Variants in LRRC7 observed in about 807,000 individuals in gnomAD.
LRRC7 encodes leucine rich repeat containing 7.
LRRC7 carries 23 observed loss-of-function variants against 175.7 expected under a neutral mutation model. The ratio of observed to expected loss-of-function variants is 0.13; its 90% CI spans 0.09 to 0.19. LRRC7 has a LOEUF of 0.19. Ranked by LOEUF, LRRC7 falls within the 10% of genes least tolerant of loss-of-function variation. The pLI, the probability that LRRC7 is intolerant of heterozygous loss-of-function variation, is 1.00. For synonymous variants in LRRC7, 685 were observed against 680.9 expected (o/e 1.01, Z -0.09); for missense variants, 1,354 against 1,904.7 (o/e 0.71, Z 5.38).
chr1:69,589,622 A>G (rs1429555320), intron 1 of LRRC7, among the ~76,000 whole-genome samples: 1 of 152,146 alleles, frequency 6.6e-6, no homozygotes, highest in Non-Finnish European at 1.5e-5. Context: ...TGAATAAGGG[A>G]TGCTATTAAA....
chr1:69,843,206 A>T (rs979667873), intron 7 of LRRC7, among the ~76,000 whole-genome samples: 1 of 151,976 alleles, frequency 6.6e-6, no homozygotes, highest in Non-Finnish European at 1.5e-5. Context: ...CAAAGCAAAA[A>T]ACAACAACAA....
chr1:70,096,669 AATGG>A (rs1249926547), intron 25 of LRRC7, among the ~76,000 whole-genome samples: 2 of 152,046 alleles, frequency 1.3e-5, no homozygotes, highest in African/African-American at 4.8e-5. Flanking sequence ...CGACTAACTT[AATGG>A]AGTACCTAGA....
chr1:70,085,153 C>G (rs1663512143), intron 24 of LRRC7, among the ~76,000 whole-genome samples: 1 of 151,974 alleles, frequency 6.6e-6, no homozygotes, highest in Non-Finnish European at 1.5e-5. Flanking sequence ...TTTATGAAGT[C>G]CAACATATCA....
chr1:69,673,730 G>A (rs1659416016), intron 1 of LRRC7, among the ~76,000 whole-genome samples: 1 of 152,132 alleles, frequency 6.6e-6, no homozygotes, highest in African/African-American at 2.4e-5. Flanking sequence ...TTTTAAGTAT[G>A]TTTCCAGTGG....
At chr1:70,061,931 C>A (rs1221016129) in intron 23 of LRRC7, among the ~76,000 whole-genome samples, 3 of 152,080 alleles carry the variant, frequency 2.0e-5, no homozygotes, top group African/African-American at 4.8e-5. Flanking sequence ...ATGCCGGTCA[C>A]CTGAGAGGCA....
chr1:69,778,602 A>G (rs1326986601), intron 3 of LRRC7, among the ~76,000 whole-genome samples: 1 of 152,114 alleles, frequency 6.6e-6, no homozygotes, highest in East Asian at 1.9e-4. Context: ...AGCACAATCT[A>G]ATTGGGTTTT....
intron 7 of LRRC7, among the ~76,000 whole-genome samples, chr1:69,891,335 A>G (rs559344425): frequency 6.6e-6 from 1 of 152,366 alleles, no homozygotes; most frequent in South Asian, 2.1e-4. Flanking sequence ...CTTTTGGTGG[A>G]ACAGGCAGAA....
intron 3 of LRRC7, among the ~76,000 whole-genome samples, chr1:69,762,026 A>C (rs934481413): frequency 6.6e-6 from 1 of 151,998 alleles, no homozygotes; most frequent in Admixed American, 6.6e-5. Context: ...TAAATTCAGA[A>C]ACAGACAACA....
chr1:69,854,359 C>G (rs749267373), intron 7 of LRRC7, among the ~76,000 whole-genome samples: 3 of 151,928 alleles, frequency 2.0e-5, no homozygotes, highest in Non-Finnish European at 2.9e-5. Flanking sequence ...AAAAATTAGC[C>G]AAGCCTTGTG....
At chr1:69,804,241 T>G (rs1271943670) in intron 4 of LRRC7, among the ~76,000 whole-genome samples, 8 of 151,450 alleles carry the variant, frequency 5.3e-5, no homozygotes, top group Non-Finnish European at 1.0e-4. Flanking sequence ...CAAATGTTTC[T>G]TCTTGCTTGT....
At chr1:69,861,386 T>C (rs1249036229) in intron 7 of LRRC7, among the ~76,000 whole-genome samples, 1 of 152,208 alleles carries the variant, frequency 6.6e-6, no homozygotes, top group Non-Finnish European at 1.5e-5. Flanking sequence ...TTCAACATAT[T>C]GATTTAGAAA....
chr1:70,041,989 C>A (rs912346098), intron 21 of LRRC7, among the ~76,000 whole-genome samples: 2 of 152,192 alleles, frequency 1.3e-5, no homozygotes, highest in African/African-American at 4.8e-5. Context: ...CTGAGTTGAT[C>A]TTCATATAAC....
At chr1:69,713,596 G>A (rs1194658810) in intron 2 of LRRC7, among the ~76,000 whole-genome samples, 1 of 151,972 alleles carries the variant, frequency 6.6e-6, no homozygotes, top group East Asian at 1.9e-4. Context: ...TAAATTATCT[G>A]ATTCCTGTTT....
intron 11 of LRRC7, among the ~76,000 whole-genome samples, chr1:69,996,927 T>C (rs1191082888): frequency 6.6e-6 from 1 of 152,230 alleles, no homozygotes; most frequent in African/African-American, 2.4e-5. Context: ...TTTTTCCAAT[T>C]CTGTGAAGAA....
In LRRC7 at chr1:70,122,418, A is replaced by G. The variant is rs1350997420; in HGVS notation, c.*531A>G. 6.6e-6 allele frequency: 1 copy of G among 152,224 alleles called. No individual in the cohort carries two copies. The highest frequency in any genetic ancestry group is 2.4e-5 in the African/African-American group (1 of 41,460). 9.4% of individuals were successfully genotyped at this position (152,224 alleles called of 1,614,324 possible). ...AGATAGAGAAAAAATATATCTTAAA[A>G]TAAGACTTTACTATATTGAATCTTT... is the stretch of plus-strand genomic sequence containing the variant. On this transcript the variant is annotated 3_prime_UTR_variant, in exon 27 of 27. Transcript: ENST00000651989.
intron 4 of LRRC7, among the ~76,000 whole-genome samples, chr1:69,798,641 G>A (rs1408297650): frequency 6.6e-6 from 1 of 152,086 alleles, no homozygotes; most frequent in Non-Finnish European, 1.5e-5. Context: ...TCATACTTTA[G>A]GGGTTTTATT....
chr1:69,664,000 C>T (rs1393861588), intron 1 of LRRC7, among the ~76,000 whole-genome samples: 3 of 152,096 alleles, frequency 2.0e-5, no homozygotes, highest in African/African-American at 7.2e-5. Context: ...GAATTACAGG[C>T]GTGAGCCACC....
intron 21 of LRRC7, among the ~76,000 whole-genome samples, chr1:70,040,458 A>T (rs1659779057): frequency 6.6e-6 from 1 of 152,240 alleles, no homozygotes; most frequent in Non-Finnish European, 1.5e-5. Context: ...GTCTTTATGA[A>T]GACAGCAAAC....
At chr1:69,906,114 T>C (rs1366183525) in intron 7 of LRRC7, among the ~76,000 whole-genome samples, 1 of 152,244 alleles carries the variant, frequency 6.6e-6, no homozygotes, top group African/African-American at 2.4e-5. Flanking sequence ...TGTTTGTTTT[T>C]TTCTTGTAAA....
Sources: gnomAD v4.1 joint callset for allele counts (sites outside exome capture counted in the v4.1 genomes callset) on GRCh38, gnomAD v4.1.1 for gene constraint, MANE v1.5 for transcripts, NCBI Gene and HGNC (gene_info 2026-07-23, HGNC 2026-07-21) for gene names.